The following HIVEP2 variants were observed in gnomAD, a reference collection of about 807,000 sequenced individuals.
HIVEP2 encodes HIVEP zinc finger 2.
Under a neutral mutation model 180.7 loss-of-function variants are expected in HIVEP2, and 14 were observed. That is an observed-to-expected ratio of 0.08 (90% CI 0.05 to 0.12). The LOEUF (loss-of-function observed/expected upper bound fraction) is 0.12, where lower values mean the gene tolerates loss of function less well. Among genes scored for constraint, HIVEP2 ranks in the 10% least tolerant of loss-of-function variants. HIVEP2 has a pLI of 1.00. For synonymous variants in HIVEP2, 1,184 were observed against 1,136.4 expected (o/e 1.04, Z -0.84); for missense variants, 2,579 against 3,008.5 (o/e 0.86, Z 3.34).
chr6:142,771,826 G>A lies in HIVEP2; in HGVS notation c.2913C>T (p.Ser971=). The A allele has an allele frequency of 6.2e-7, 1 of 1,614,220 alleles. No individual in the cohort carries two copies. Among genetic ancestry groups the A allele is most frequent in the Non-Finnish European group, 8.5e-7 (1 of 1,180,032 alleles). The change falls in exon 5 of 10, where the codon AGC becomes AGT. Residue 971 remains serine, a synonymous_variant. Coordinates refer to ENST00000367603, the MANE Select transcript of HIVEP2 (RefSeq NM_006734.4). This position sits in a 1 kb window ranked among gnomAD's most constrained non-coding sequence, Gnocchi z 5.4. The stretch of plus-strand genomic sequence containing the variant: ...AGAAACTGGAGCTGTGGGACAAGTT[G>A]CTTTCTTGGCTGGGGCTGCGGGAGA... ...TGLSRSPSQE[S]NLSHSSSFSM...
chr6:142,807,915 A>T (rs899908763), intron 2 of HIVEP2, among the ~76,000 whole-genome samples: 1 of 152,196 alleles, frequency 6.6e-6, no homozygotes, highest in Non-Finnish European at 1.5e-5. Flanking sequence ...CCCTACCTCC[A>T]GGCTCTTCCT....
intron 1 of HIVEP2, among the ~76,000 whole-genome samples, chr6:142,843,796 T>C (rs1775433347): frequency 6.6e-6 from 1 of 152,194 alleles, no homozygotes; most frequent in Non-Finnish European, 1.5e-5. Context: ...GCAGCAATAG[T>C]GTTATGAATG....
intron 1 of HIVEP2, among the ~76,000 whole-genome samples, chr6:142,917,862 G>A (rs533716450): frequency 4.6e-5 from 7 of 152,120 alleles, no homozygotes; most frequent in East Asian, 1.9e-4. Context: ...TGCAAGCTCC[G>A]CCTCCTGGGT....
chr6:142,767,046 A>G (rs530653961), intron 6 of HIVEP2, among the ~76,000 whole-genome samples: 1 of 152,310 alleles, frequency 6.6e-6, no homozygotes, highest in Non-Finnish European at 1.5e-5. Flanking sequence ...TATGGGCACA[A>G]TCCTTTTGGA....
intron 2 of HIVEP2, among the ~76,000 whole-genome samples, chr6:142,812,853 C>T (rs905936936): frequency 1.3e-5 from 2 of 152,232 alleles, no homozygotes; most frequent in South Asian, 4.1e-4. Context: ...GCAGATTAGA[C>T]ATTAAGGCAG....
At chr6:142,819,980 G>A (rs1279482902) in intron 2 of HIVEP2, among the ~76,000 whole-genome samples, 1 of 152,150 alleles carries the variant, frequency 6.6e-6, no homozygotes, top group Non-Finnish European at 1.5e-5. Flanking sequence ...ATGCAAATCT[G>A]TGGTGCTAAT....
rs940461981 is a variant in HIVEP2 at position 142,772,251 on chromosome 6, C to T, written c.2488G>A (p.Ala830Thr). 6.2e-7 allele frequency: 1 copy of T among 1,614,166 alleles called. No individual in the cohort carries two copies. Among genetic ancestry groups the T allele is most frequent in the East Asian group, 2.2e-5 (1 of 44,878 alleles). ...TCACAAGTCTCTGAAGGGGAAGGGG[C>T]TTTATCCTGTGTGCAAGCCACAAGT... is the stretch of plus-strand genomic sequence containing the variant. ...AELVACTQDK[A>T]PSPSETCDSE... Residue 830 changes from alanine to threonine, a missense_variant, in exon 5 of 10, where the codon GCC becomes ACC. Coordinates refer to ENST00000367603, the MANE Select transcript of HIVEP2 (RefSeq NM_006734.4). This position sits in a 1 kb window ranked among gnomAD's most constrained non-coding sequence, Gnocchi z 4.9.
At chr6:142,913,639 G>C (rs57012870) in intron 1 of HIVEP2, among the ~76,000 whole-genome samples, 13,641 of 152,250 alleles carry the variant, frequency 0.09, 960 homozygotes, top group East Asian at 0.24. Context: ...ACCAAGTAAC[G>C]TGGTGAGAGC....
At chr6:142,900,707 T>A (rs1777114305) in intron 1 of HIVEP2, among the ~76,000 whole-genome samples, 1 of 151,930 alleles carries the variant, frequency 6.6e-6, no homozygotes. Flanking sequence ...AGAAGGGAGG[T>A]GGGTGATGGC....
chr6:142,931,325 A>C (rs1201958188), intron 1 of HIVEP2, among the ~76,000 whole-genome samples: 1 of 151,712 alleles, frequency 6.6e-6, no homozygotes, highest in African/African-American at 2.4e-5. Context: ...TCTTACAAGT[A>C]GTTTAAATGC....
chr6:142,843,119 A>G (rs1422687696), intron 1 of HIVEP2, among the ~76,000 whole-genome samples: 1 of 152,190 alleles, frequency 6.6e-6, no homozygotes, highest in Non-Finnish European at 1.5e-5. Context: ...CATGTAGATG[A>G]GTCACCAGGG....
At chr6:142,876,909 C>T (rs148930553) in intron 1 of HIVEP2, among the ~76,000 whole-genome samples, 2 of 151,868 alleles carry the variant, frequency 1.3e-5, no homozygotes, top group South Asian at 2.1e-4. Flanking sequence ...ATTAGTTGAG[C>T]GTGGTGGCAT....
chr6:142,774,812 C>T lies in HIVEP2; in HGVS notation c.-74G>A, dbSNP rs1775654563. 1 of 1,534,242 alleles carries T rather than the reference C, an allele frequency of 6.5e-7. No individual in the cohort carries two copies. Among genetic ancestry groups the T allele is most frequent in the Non-Finnish European group, 8.7e-7 (1 of 1,144,220 alleles). The stretch of plus-strand genomic sequence containing the variant: ...CTCATGGAGTGTCTCCAAAGCTGTG[C>T]TTCTTAAAGCTTGGTTGCTTCCATG... On this transcript the variant is annotated 5_prime_UTR_variant, in exon 5 of 10. Coordinates refer to ENST00000367603, the MANE Select transcript of HIVEP2 (RefSeq NM_006734.4). The surrounding 1 kb of genome is among the most constrained non-coding windows in gnomAD (Gnocchi z 5.1).
chr6:142,798,540 T>C (rs1180802548), intron 2 of HIVEP2, among the ~76,000 whole-genome samples: 2 of 152,136 alleles, frequency 1.3e-5, no homozygotes, highest in African/African-American at 4.8e-5. Flanking sequence ...TGCATGCCCA[T>C]GAAGATGGCA....
chr6:142,888,116 C>T (rs973717445), intron 1 of HIVEP2, among the ~76,000 whole-genome samples: 1 of 152,158 alleles, frequency 6.6e-6, no homozygotes, highest in African/African-American at 2.4e-5. Context: ...GTTCACTATC[C>T]TACGCCCAGT....
At chr6:142,788,142 G>T (rs1776049949) in intron 2 of HIVEP2, 1 of 152,120 alleles carries the variant, frequency 6.6e-6, no homozygotes, top group Non-Finnish European at 1.5e-5. Context: ...TGTAACTTAG[G>T]CCTCTTTAAA....
intron 1 of HIVEP2, among the ~76,000 whole-genome samples, chr6:142,929,134 T>C (rs1019481056): frequency 1.3e-5 from 2 of 152,214 alleles, no homozygotes; most frequent in Admixed American, 6.5e-5. Flanking sequence ...GATTTGAACA[T>C]ACTTATACTT....
intron 1 of HIVEP2, among the ~76,000 whole-genome samples, chr6:142,914,076 A>C (rs955150684): frequency 7.9e-5 from 12 of 151,984 alleles, no homozygotes; most frequent in African/African-American, 2.9e-4. Context: ...CTCTGGCAGC[A>C]GCCCCTTGAA....
intron 2 of HIVEP2, among the ~76,000 whole-genome samples, chr6:142,803,597 A>AC (rs1554211944): frequency 4.4e-4 from 67 of 151,396 alleles, no homozygotes; most frequent in East Asian, 1.7e-3. Context: ...ACACACACAC[A>AC]AAACTCAGGA....
Sources: allele counts gnomAD v4.1 joint callset (sites outside exome capture counted in the v4.1 genomes callset), GRCh38; gene constraint gnomAD v4.1.1; non-coding constraint Gnocchi (gnomAD v3.1); transcripts MANE v1.5; gene names NCBI Gene and HGNC (gene_info 2026-07-23, HGNC 2026-07-21).